Variants in PPP2R3A observed in about 807,000 individuals in gnomAD.
PPP2R3A encodes the protein protein phosphatase 2 regulatory subunit B''alpha.
In PPP2R3A, 80 loss-of-function variants were observed where a neutral mutation model predicts 106.9. The ratio of observed to expected loss-of-function variants is 0.75; its 90% CI spans 0.62 to 0.90. The LOEUF (loss-of-function observed/expected upper bound fraction) is 0.90. PPP2R3A is among the 40% of genes least tolerant of loss of function. PPP2R3A has a pLI of 0.00. For missense variants in PPP2R3A, 1,386 were observed against 1,350.4 expected (o/e 1.03, Z -0.41); for synonymous variants, 483 against 468.3 (o/e 1.03, Z -0.41).
chr3:136,049,721 G>A (rs917681719), intron 5 of PPP2R3A, among the ~76,000 whole-genome samples: 22 of 152,124 alleles, frequency 1.4e-4, no homozygotes, highest in African/African-American at 4.6e-4. Context: ...CTCTGTTAGC[G>A]TAGAACATAG....
chr3:136,051,984 A>G (rs1422305418), intron 5 of PPP2R3A, among the ~76,000 whole-genome samples: 2 of 152,176 alleles, frequency 1.3e-5, no homozygotes, highest in Non-Finnish European at 2.9e-5. Context: ...CTCACCTGCT[A>G]CATGGTTTTG....
chr3:136,074,910 C>G (rs2107916604), intron 6 of PPP2R3A, among the ~76,000 whole-genome samples: 1 of 152,288 alleles, frequency 6.6e-6, no homozygotes, highest in African/African-American at 2.4e-5. Flanking sequence ...CCTAACTCTA[C>G]AGAAGACCAT....
chr3:136,026,756 A>G, intron 2 of PPP2R3A, 76 bp from the exon 3 acceptor site: 1 of 1,373,808 alleles, frequency 7.3e-7, no homozygotes, highest in Non-Finnish European at 9.9e-7. Flanking sequence ...GTGGTTTCTT[A>G]TATTGCTGGT....
At chr3:136,078,212 A>G (rs879511261) in intron 6 of PPP2R3A, among the ~76,000 whole-genome samples, 155 bp from the exon 7 acceptor site, 2 of 152,274 alleles carry the variant, frequency 1.3e-5, no homozygotes, top group Non-Finnish European at 2.9e-5. Flanking sequence ...ATGTAGATTT[A>G]AAAATACAGT....
chr3:136,090,135 A>G (rs940201445), intron 9 of PPP2R3A, among the ~76,000 whole-genome samples: 2 of 152,112 alleles, frequency 1.3e-5, no homozygotes, highest in East Asian at 1.9e-4. Context: ...TTCCAGTACT[A>G]TGTTGAATAG....
chr3:135,974,961 A>AT (rs1937372364), intron 1 of PPP2R3A, among the ~76,000 whole-genome samples: 1 of 152,142 alleles, frequency 6.6e-6, no homozygotes, highest in African/African-American at 2.4e-5. Flanking sequence ...CATATTTCCT[A>AT]TTTTACAGCC....
chr3:135,995,143 A>G (rs1013329480), intron 1 of PPP2R3A, among the ~76,000 whole-genome samples: 1 of 152,208 alleles, frequency 6.6e-6, no homozygotes, highest in African/African-American at 2.4e-5. Flanking sequence ...TGGAGATGAA[A>G]GGACCAGCAG....
chr3:136,031,788 T>C (rs1400933506), intron 3 of PPP2R3A, among the ~76,000 whole-genome samples: 1 of 152,182 alleles, frequency 6.6e-6, no homozygotes, highest in Non-Finnish European at 1.5e-5. Flanking sequence ...TGTTTTTGTT[T>C]ACCTTGTCAA....
intron 12 of PPP2R3A, among the ~76,000 whole-genome samples, chr3:136,105,077 A>G (rs1937481332): frequency 6.6e-6 from 1 of 152,236 alleles, no homozygotes; most frequent in Non-Finnish European, 1.5e-5. Context: ...GAGATACAAG[A>G]ACAAAAGGTG....
chr3:136,140,043 T>C (rs1210956216), intron 13 of PPP2R3A, among the ~76,000 whole-genome samples: 1 of 151,326 alleles, frequency 6.6e-6, no homozygotes, highest in African/African-American at 2.4e-5. Flanking sequence ...CTCAATTTGA[T>C]ACCTATGATT....
At chr3:136,106,690 G>A (rs1462748860) in intron 13 of PPP2R3A, 1 of 195,432 alleles carries the variant, frequency 5.1e-6, no homozygotes, top group Non-Finnish European at 1.0e-5. Flanking sequence ...GGGAGGCCGA[G>A]GCGGGTGGAT....
intron 13 of PPP2R3A, among the ~76,000 whole-genome samples, chr3:136,109,286 A>T (rs1937561196): frequency 6.6e-6 from 1 of 152,202 alleles, no homozygotes. Context: ...ATTAAATCAG[A>T]AAACATGTAC....
intron 13 of PPP2R3A, among the ~76,000 whole-genome samples, chr3:136,135,108 G>GAA (rs1458034230): frequency 2.0e-5 from 3 of 151,966 alleles, no homozygotes; most frequent in Admixed American, 2.0e-4. Flanking sequence ...AAGGAAGAAA[G>GAA]AGGAGGCAGG....
chr3:136,074,418 T>G (rs555658602), intron 6 of PPP2R3A, among the ~76,000 whole-genome samples: 1 of 152,266 alleles, frequency 6.6e-6, no homozygotes, highest in South Asian at 2.1e-4. Flanking sequence ...CCAAAAAGAT[T>G]TAGAAGTTGA....
chr3:136,080,741 T>C (rs549273669), intron 7 of PPP2R3A, among the ~76,000 whole-genome samples: 113 of 152,344 alleles, frequency 7.4e-4, no homozygotes, highest in Non-Finnish European at 1.5e-3. Context: ...TATGTAGTTC[T>C]TAGTGGGTAC....
chr3:136,106,133 A>G, intron 12 of PPP2R3A, 83 bp from the exon 13 acceptor site: 1 of 1,092,950 alleles, frequency 9.1e-7, no homozygotes, highest in Non-Finnish European at 1.3e-6. Flanking sequence ...TTTTTTCAGC[A>G]GTATACATTT....
intron 1 of PPP2R3A, among the ~76,000 whole-genome samples, chr3:135,981,263 T>G (rs1266066749): frequency 2.0e-5 from 3 of 151,956 alleles, no homozygotes; most frequent in East Asian, 3.9e-4. Flanking sequence ...GGAGTTGTGC[T>G]GGGTCTTGGA....
At chr3:136,077,845 G>A (rs1936646616) in intron 6 of PPP2R3A, among the ~76,000 whole-genome samples, 1 of 152,084 alleles carries the variant, frequency 6.6e-6, no homozygotes, top group Non-Finnish European at 1.5e-5. Context: ...TAAAAGTTAG[G>A]ATATAAATTA....
chr3:136,014,222 G>A (rs1343720042), intron 2 of PPP2R3A, among the ~76,000 whole-genome samples: 1 of 151,012 alleles, frequency 6.6e-6, no homozygotes, highest in Non-Finnish European at 1.5e-5. Context: ...TGACTATAGC[G>A]ATATAGTATA....
Sources: allele counts gnomAD v4.1 joint callset (sites outside exome capture counted in the v4.1 genomes callset), GRCh38; gene constraint gnomAD v4.1.1; transcripts MANE v1.5; gene names NCBI Gene and HGNC (gene_info 2026-07-23, HGNC 2026-07-21).